LRRC4C: variants seen among roughly 807,000 people sequenced by gnomAD.
LRRC4C encodes leucine rich repeat containing 4C.
LRRC4C carries 5 observed loss-of-function variants against 33.6 expected under a neutral mutation model. That is an observed-to-expected ratio of 0.15 (90% CI 0.08 to 0.31). The LOEUF (loss-of-function observed/expected upper bound fraction) is 0.31, where lower values mean the gene tolerates loss of function less well. Ranked by LOEUF, LRRC4C falls within the 10% of genes least tolerant of loss-of-function variation. LRRC4C has a pLI of 1.00. For missense variants in LRRC4C, 560 were observed against 796.7 expected, an observed-to-expected ratio of 0.70 and a Z score of 3.58; for synonymous variants, 329 against 302.0, an observed-to-expected ratio of 1.09 and a Z score of -0.93.
At chr11:41,424,159 C>T (rs569796135) in intron 1 of LRRC4C, among the ~76,000 whole-genome samples, 5 of 151,992 alleles carry the variant, frequency 3.3e-5, no homozygotes, top group Non-Finnish European at 5.9e-5. Context: ...TATCCCATTC[C>T]GATAGGATGA....
chr11:40,235,703 CATT>C (rs1016723481), intron 5 of LRRC4C, among the ~76,000 whole-genome samples: 7 of 152,144 alleles, frequency 4.6e-5, no homozygotes, highest in Non-Finnish European at 1.0e-4. Flanking sequence ...ACATGACACT[CATT>C]AATTGTGTAG....
intron 6 of LRRC4C, among the ~76,000 whole-genome samples, chr11:40,118,755 G>A (rs1855616505): frequency 1.3e-5 from 2 of 152,090 alleles, no homozygotes; most frequent in Admixed American, 6.6e-5. Context: ...GAATAAGATC[G>A]GGTAAAGACT....
At chr11:40,587,653 A>T (rs1412196995) in intron 3 of LRRC4C, among the ~76,000 whole-genome samples, 1 of 151,578 alleles carries the variant, frequency 6.6e-6, no homozygotes. Context: ...ACGTCCCATC[A>T]ATACCTAATT....
In LRRC4C at chr11:41,413,048, CTTCTTTTTTTTCTTTTT is replaced by C. The variant is rs1324800780; in HGVS notation, c.-496+46366_-496+46382del. On this transcript the variant is annotated intron_variant, in intron 1 of 6. Transcript: ENST00000528697. ...TATTTTTCTTACTTTTTTTTCTTTT[CTTCTTTTTTTTCTTTTT>C]TACTTCCATTGCTGTTGAGCTTTAA... Among the ~76,000 whole-genome samples, 12 of 149,828 alleles carry C rather than the reference CTTCTTTTTTTTCTTTTT, an allele frequency of 8.0e-5. No homozygotes were observed. In the South Asian group the frequency reaches 2.6e-3, roughly 32 times the overall value.
At chr11:41,200,215 A>G (rs1946348661) in intron 1 of LRRC4C, among the ~76,000 whole-genome samples, 1 of 152,012 alleles carries the variant, frequency 6.6e-6, no homozygotes, top group African/African-American at 2.4e-5. Flanking sequence ...TTATTGTTGT[A>G]TTTTTGTCCC....
intron 3 of LRRC4C, among the ~76,000 whole-genome samples, chr11:40,491,442 TAC>T (rs1954148581): frequency 6.6e-6 from 1 of 152,182 alleles, no homozygotes; most frequent in Non-Finnish European, 1.5e-5. Flanking sequence ...CTCAGGCACT[TAC>T]ACGGTTGCAG....
At chr11:40,380,756 C>G (rs1033761116) in intron 3 of LRRC4C, among the ~76,000 whole-genome samples, 1 of 152,066 alleles carries the variant, frequency 6.6e-6, no homozygotes, top group Non-Finnish European at 1.5e-5. Context: ...ATGTAAAATT[C>G]TTGAAATCAT....
chr11:40,335,338 T>C (rs1946549016), intron 3 of LRRC4C, among the ~76,000 whole-genome samples: 1 of 152,220 alleles, frequency 6.6e-6, no homozygotes, highest in African/African-American at 2.4e-5. Flanking sequence ...GCTTAACATT[T>C]CTTCTTCAGT....
chr11:40,471,252 T>C (rs945501277), intron 3 of LRRC4C, among the ~76,000 whole-genome samples: 1 of 152,134 alleles, frequency 6.6e-6, no homozygotes, highest in African/African-American at 2.4e-5. Flanking sequence ...AAGAAAAGAA[T>C]TTTCAACCCA....
chr11:41,165,957 G>T (rs1944704373), intron 1 of LRRC4C, among the ~76,000 whole-genome samples: 1 of 151,808 alleles, frequency 6.6e-6, no homozygotes, highest in African/African-American at 2.4e-5. Context: ...ATTGAACCCA[G>T]GAGGCGGAGG....
At chr11:41,442,985 A>AT (rs1287856919) in intron 1 of LRRC4C, among the ~76,000 whole-genome samples, 1 of 152,112 alleles carries the variant, frequency 6.6e-6, no homozygotes. Context: ...TTCAGAAAGC[A>AT]TAAGGGTATT....
chr11:40,429,339 G>A (rs1950829137), intron 3 of LRRC4C, among the ~76,000 whole-genome samples: 1 of 152,172 alleles, frequency 6.6e-6, no homozygotes. Context: ...CTCCCAAAAT[G>A]CTAGGATTAC....
chr11:41,081,693 A>G (rs1327225736), intron 1 of LRRC4C, among the ~76,000 whole-genome samples: 2 of 152,018 alleles, frequency 1.3e-5, no homozygotes, highest in Non-Finnish European at 2.9e-5. Flanking sequence ...TACGCAGAAT[A>G]AACAAAAAAA....
intron 1 of LRRC4C, among the ~76,000 whole-genome samples, chr11:41,007,490 G>A (rs927804289): frequency 3.9e-5 from 6 of 152,022 alleles, no homozygotes; most frequent in Admixed American, 3.3e-4. Flanking sequence ...AAATTTTAAT[G>A]CACATATGTT....
intron 4 of LRRC4C, among the ~76,000 whole-genome samples, chr11:40,254,253 A>T (rs1180166151): frequency 1.3e-5 from 2 of 152,244 alleles, no homozygotes; most frequent in African/African-American, 4.8e-5. Flanking sequence ...ATAAAATACC[A>T]TGTTAGCCAT....
At chr11:41,289,126 T>C (rs1425081233) in intron 1 of LRRC4C, among the ~76,000 whole-genome samples, 2 of 152,208 alleles carry the variant, frequency 1.3e-5, no homozygotes, top group South Asian at 4.1e-4. Flanking sequence ...AGGGCATGGA[T>C]ACCAGGGTGT....
At chr11:41,347,229 T>G (rs1466293738) in intron 1 of LRRC4C, among the ~76,000 whole-genome samples, 1 of 152,198 alleles carries the variant, frequency 6.6e-6, no homozygotes, top group Non-Finnish European at 1.5e-5. Flanking sequence ...GGATCTATAT[T>G]CACCCTTTCA....
At chr11:40,536,910 A>G (rs1434274877) in intron 3 of LRRC4C, among the ~76,000 whole-genome samples, 2 of 152,118 alleles carry the variant, frequency 1.3e-5, no homozygotes, top group Non-Finnish European at 2.9e-5. Flanking sequence ...CTTTTGGTTC[A>G]TTGTCAACTA....
chr11:40,203,860 C>T (rs1862946729), intron 5 of LRRC4C, among the ~76,000 whole-genome samples: 1 of 152,176 alleles, frequency 6.6e-6, no homozygotes, highest in Non-Finnish European at 1.5e-5. Context: ...CTCCCCATTT[C>T]CTGATCTTTT....
Sources: allele counts gnomAD v4.1 joint callset (sites outside exome capture counted in the v4.1 genomes callset), GRCh38; gene constraint gnomAD v4.1.1; transcripts MANE v1.5; gene names NCBI Gene and HGNC (gene_info 2026-07-23, HGNC 2026-07-21).